Variants in ABL2 observed in about 807,000 individuals in gnomAD.
The protein encoded by ABL2 is ABL proto-oncogene 2, non-receptor tyrosine kinase.
Under a neutral mutation model 107.7 loss-of-function variants are expected in ABL2, and 49 were observed. The ratio of observed to expected loss-of-function variants is 0.45; its 90% confidence interval spans 0.36 to 0.58. ABL2 has a LOEUF of 0.58. Ranked by LOEUF, ABL2 falls within the 20% of genes least tolerant of loss-of-function variation. The pLI is 0.00. For missense variants in ABL2, 1,245 were observed against 1,457.0 expected, an observed-to-expected ratio of 0.85 and a Z score of 2.37; for synonymous variants, 549 against 548.6, an observed-to-expected ratio of 1.00 and a Z score of -0.01.
In ABL2 at chr1:179,106,954, T is replaced by A; in HGVS notation, c.*764A>T. The A allele has an allele frequency of 4.3e-6, 1 of 230,198 alleles. No homozygotes were observed. The highest frequency in any genetic ancestry group is 8.6e-6 in the Non-Finnish European group (1 of 116,160). 14.3% of individuals were successfully genotyped at this position (230,198 alleles called of 1,614,324 possible). ...GACCCCTGTACTTATGGTTTACAGATAGCCACCAACAGGCAGGAAGCCGAT... is the reference window on the plus strand; with the variant it reads ...GACCCCTGTACTTATGGTTTACAGAAAGCCACCAACAGGCAGGAAGCCGAT... On this transcript the variant is annotated 3_prime_UTR_variant, in exon 12 of 12. Coordinates refer to ENST00000502732, the MANE Select transcript of ABL2 (RefSeq NM_007314.4).
At chr1:179,150,439 G>A (rs1368265628) in intron 1 of ABL2, among the ~76,000 whole-genome samples, 1 of 152,176 alleles carries the variant, frequency 6.6e-6, no homozygotes, top group African/African-American at 2.4e-5. Flanking sequence ...TAACTTTGAG[G>A]AGTTCAAGAC....
chr1:179,210,849 G>A (rs1198841156), intron 1 of ABL2, among the ~76,000 whole-genome samples: 1 of 151,638 alleles, frequency 6.6e-6, no homozygotes, highest in African/African-American at 2.4e-5. Flanking sequence ...GCAAGACTCT[G>A]TCTCAAAAAA....
rs58297805 is a variant in ABL2, at chr1:179,147,181, C to CAAAAAAAAAAAAAAAAA, written c.158-13824_158-13808dup. On this transcript the variant is annotated intron_variant, in intron 1 of 11. Transcript: ENST00000502732. ...CCAATCACTAATCATCAGAGAAATG[C>CAAAAAAAAAAAAAAAAA]AAAAAAAAAAAAAAAAAAAAAAAAA... Among the ~76,000 whole-genome samples the CAAAAAAAAAAAAAAAAA allele has an allele frequency of 6.7e-4, 34 of 50,536 alleles. 8 individuals carry two copies. The highest frequency in any genetic ancestry group is 1.5e-3 in the East Asian group (2 of 1,320). The allele number at this position is 50,536 out of a possible 152,430, so 33.2% of individuals were successfully genotyped here. A position where few individuals can be genotyped will look rare whatever the true frequency, so the allele number is the denominator to read the frequency against.
At chr1:179,145,340 T>C (rs1657907709) in intron 1 of ABL2, among the ~76,000 whole-genome samples, 1 of 152,194 alleles carries the variant, frequency 6.6e-6, no homozygotes, top group Non-Finnish European at 1.5e-5. Flanking sequence ...TTAAAATTAC[T>C]AAGGTCTCCA....
rs904137053 is a variant in ABL2 at position 179,107,050 on chromosome 1, A to T, written c.*668T>A. 1.6e-4 allele frequency: 37 copies of T among 230,024 alleles called. No individual in the cohort carries two copies. Among genetic ancestry groups the T allele is most frequent in the Middle Eastern group, 1.3e-3 (1 of 764 alleles). 14.2% of individuals were successfully genotyped at this position (230,024 alleles called of 1,614,324 possible). ...CTGCTAATCTGTGTAAGATTTTAGA[A>T]GGTTTTCAATTTCTGATTCAACTTT... On this transcript the variant is annotated 3_prime_UTR_variant, in exon 12 of 12. Transcript: ENST00000502732.
intron 1 of ABL2, chr1:179,221,055 G>T: frequency 8.6e-6 from 2 of 233,238 alleles, no homozygotes; most frequent in South Asian, 1.6e-4. Flanking sequence ...AAACTGCTCT[G>T]ATCAAAATCC....
At position 179,143,087 on chromosome 1, in the gene ABL2, G is replaced by A. The variant is rs531703693; in HGVS notation, c.158-9713C>T. 5.0e-6 allele frequency: 8 copies of A among 1,602,010 alleles called. No individual in the cohort carries two copies. In the South Asian group the frequency reaches 9.0e-5, roughly 18 times the overall value. ...CAAAAGTTAAACTGTTCTGTGTAAA[G>A]AGGAAGTCTTAGAATTCCATTCTCT... On this transcript the variant is annotated intron_variant, in intron 1 of 11. Transcript: ENST00000502732.
chr1:179,109,270 G>A lies in ABL2; in HGVS notation c.1997C>T (p.Pro666Leu), dbSNP rs1653806727. Residue 666 changes from proline to leucine, a missense_variant, in exon 12 of 12, where the codon CCC becomes CTC. Physicochemically the swap from Pro to Leu is moderately conservative, Grantham distance 98. Transcript: ENST00000502732. ...FMKKRNAPTPPKRSSSFREME... is the reference protein window; with the variant it reads ...FMKKRNAPTPLKRSSSFREME... ...TTCTCGGAAGGAGCTGCTGCGTTTG[G>A]GGGGTGTAGGAGCATTTCTCTTCTT... is the stretch of plus-strand genomic sequence containing the variant. 1 of 1,613,942 alleles carries A rather than the reference G, an allele frequency of 6.2e-7. No homozygotes were observed. The highest frequency in any genetic ancestry group is 1.3e-5 in the African/African-American group (1 of 74,876).
intron 1 of ABL2, among the ~76,000 whole-genome samples, chr1:179,226,246 T>C (rs771776135): frequency 6.6e-6 from 1 of 151,524 alleles, no homozygotes; most frequent in African/African-American, 2.4e-5. Flanking sequence ...AACTTGTCAA[T>C]AGAATCTTCA....
chr1:179,226,000 C>T (rs572990498), intron 1 of ABL2, among the ~76,000 whole-genome samples: 258 of 137,798 alleles, frequency 1.9e-3, no homozygotes, highest in African/African-American at 6.6e-3. Context: ...GCCGAGATCG[C>T]GCCACTGCAC....
intron 1 of ABL2, among the ~76,000 whole-genome samples, chr1:179,228,369 A>G (rs770571057): frequency 5.9e-5 from 9 of 152,194 alleles, no homozygotes; most frequent in Non-Finnish European, 1.2e-4. Context: ...AACAAAAACA[A>G]AACAAAAAAA....
rs549539427 is a variant in ABL2, at chr1:179,109,154, G to C, written c.2113C>G (p.Pro705Ala). The C allele has an allele frequency of 6.2e-7, 1 of 1,613,778 alleles. No homozygotes were observed. Among genetic ancestry groups the C allele is most frequent in the African/African-American group, 1.3e-5 (1 of 74,892 alleles). ...LQHADGFSFT[P>A]AQQEANLVPP... ...ACCAGATTCGCCTCTTGCTGGGCAGGAGTGAAAGAGAACCCATCAGCATGC... is the reference window on the plus strand; with the variant it reads ...ACCAGATTCGCCTCTTGCTGGGCAGCAGTGAAAGAGAACCCATCAGCATGC... The change falls in exon 12 of 12, where the codon CCT becomes GCT. Residue 705 changes from proline to alanine, a missense_variant. Physicochemically the swap from Pro to Ala is conservative, Grantham distance 27. Transcript: ENST00000502732.
At chr1:179,207,979 A>G (rs1191772706) in intron 1 of ABL2, among the ~76,000 whole-genome samples, 4 of 152,052 alleles carry the variant, frequency 2.6e-5, no homozygotes, top group African/African-American at 9.7e-5. Context: ...TTTTTTTTGA[A>G]TAAGTATTTT....
chr1:179,122,831 T>C (rs1655356030), intron 4 of ABL2, among the ~76,000 whole-genome samples: 1 of 152,024 alleles, frequency 6.6e-6, no homozygotes, highest in South Asian at 2.1e-4. Flanking sequence ...TTTTTTTCTT[T>C]GTATTTTTAG....
At chr1:179,116,321 G>A (rs945825147) in intron 8 of ABL2, among the ~76,000 whole-genome samples, 1 of 152,048 alleles carries the variant, frequency 6.6e-6, no homozygotes, top group African/African-American at 2.4e-5. Context: ...GTTGCAGTGA[G>A]CTGAGATTGT....
At position 179,101,336 on chromosome 1, in the gene ABL2, G is replaced by A. The variant is rs947318554; in HGVS notation, c.*6382C>T. ...AGGGTGAAGCCTTCCCTAATTTCCTGTCCTTTGGATCTAGGATATTGAGTC... is the reference window on the plus strand; with the variant it reads ...AGGGTGAAGCCTTCCCTAATTTCCTATCCTTTGGATCTAGGATATTGAGTC... On this transcript the variant is annotated 3_prime_UTR_variant, in exon 12 of 12. Transcript: ENST00000502732. 1.0e-5 allele frequency: 2 copies of A among 200,194 alleles called. No individual in the cohort carries two copies. Among genetic ancestry groups the A allele is most frequent in the African/African-American group, 2.3e-5 (1 of 42,858 alleles). The allele number at this position is 200,194 out of a possible 1,614,324, so 12.4% of individuals were successfully genotyped here. A position where few individuals can be genotyped will look rare whatever the true frequency, so the allele number is the denominator to read the frequency against.
At chr1:179,201,877 A>G (rs1364280662) in intron 1 of ABL2, 5 of 1,347,946 alleles carry the variant, frequency 3.7e-6, no homozygotes, top group Middle Eastern at 3.0e-4. Context: ...AAGACCCTCT[A>G]CAACACCTCC....
chr1:179,215,932 GCA>G (rs1187677204), intron 1 of ABL2, among the ~76,000 whole-genome samples: 2 of 152,080 alleles, frequency 1.3e-5, no homozygotes, highest in African/African-American at 4.8e-5. Context: ...GCTGGAATTA[GCA>G]CACAGAGAGA....
Position 179,229,170 on chromosome 1 carries a change from G to GCCCCCCCCCCCCCCCCC in ABL2, c.157+70_157+71insGGGGGGGGGGGGGGGGG. ...CTCCGACCCCTCGGGCAGCCCGTCCGCCACCCACCCCGCCCCGACCCCACC... is the reference window on the plus strand; with the variant it reads ...CTCCGACCCCTCGGGCAGCCCGTCCGCCCCCCCCCCCCCCCCCCCACCCACCCCGCCCCGACCCCACC... On this transcript the variant is annotated intron_variant, in intron 1 of 11. Coordinates refer to ENST00000502732, the MANE Select transcript of ABL2 (RefSeq NM_007314.4). 1.5e-5 allele frequency: 4 copies of GCCCCCCCCCCCCCCCCC among 266,256 alleles called. 1 individual carries two copies. The highest frequency in any genetic ancestry group is 2.7e-5 in the Non-Finnish European group (4 of 148,000). The allele number at this position is 266,256 out of a possible 1,614,324, so 16.5% of individuals were successfully genotyped here. A position where few individuals can be genotyped will look rare whatever the true frequency, so the allele number is the denominator to read the frequency against.
Sources: allele counts gnomAD v4.1 joint callset (sites outside exome capture counted in the v4.1 genomes callset), GRCh38; gene constraint gnomAD v4.1.1; transcripts MANE v1.5; gene names NCBI Gene and HGNC (gene_info 2026-07-23, HGNC 2026-07-21).